DNER: variants seen among roughly 807,000 people sequenced by gnomAD.
DNER encodes the protein delta and Notch-like epidermal growth factor-related receptor.
Under a neutral mutation model 78.2 loss-of-function variants are expected in DNER, and 33 were observed. The ratio of observed to expected loss-of-function variants is 0.42; its 90% CI spans 0.32 to 0.56. The LOEUF (loss-of-function observed/expected upper bound fraction) is 0.56, where lower values mean the gene tolerates loss of function less well. Ranked by LOEUF, DNER falls within the 20% of genes least tolerant of loss-of-function variation. The probability of loss-of-function intolerance (pLI) is 0.11; values close to 1 mark genes in which losing one functional copy is unlikely to be tolerated. For missense variants in DNER, 918 were observed against 975.3 expected (o/e 0.94, Z 0.78); for synonymous variants, 417 against 384.8 (o/e 1.08, Z -0.98).
chr2:229,659,577 T>A (rs558536250), intron 1 of DNER, among the ~76,000 whole-genome samples: 2 of 152,264 alleles, frequency 1.3e-5, no homozygotes, highest in African/African-American at 4.8e-5. Context: ...CTGGTCTCCA[T>A]GAGCCTTTCT....
At chr2:229,423,320 A>G (rs918728813) in intron 8 of DNER, among the ~76,000 whole-genome samples, 4 of 152,164 alleles carry the variant, frequency 2.6e-5, no homozygotes, top group African/African-American at 7.2e-5. Context: ...ATTTTAAGAT[A>G]TACTGAGTTT....
intron 11 of DNER, among the ~76,000 whole-genome samples, chr2:229,387,891 G>T (rs201272494): frequency 3.0e-4 from 17 of 57,132 alleles, no homozygotes; most frequent in East Asian, 1.5e-3. Flanking sequence ...GTGTGTGTGT[G>T]TTTTTTAATT....
At chr2:229,712,920 C>CA (rs764190796) in intron 1 of DNER, among the ~76,000 whole-genome samples, 9 of 152,172 alleles carry the variant, frequency 5.9e-5, no homozygotes, top group Middle Eastern at 3.4e-3. Flanking sequence ...TAGATAAATG[C>CA]AAAAAAATCT....
At chr2:229,386,794 T>C (rs1270244872) in intron 11 of DNER, among the ~76,000 whole-genome samples, 1 of 152,108 alleles carries the variant, frequency 6.6e-6, no homozygotes, top group African/African-American at 2.4e-5. Flanking sequence ...TCACGTCAGT[T>C]AGAATGGCGA....
chr2:229,657,964 A>G (rs908082443), intron 1 of DNER, among the ~76,000 whole-genome samples: 1 of 152,256 alleles, frequency 6.6e-6, no homozygotes, highest in South Asian at 2.1e-4. Context: ...CCTTAAAAAC[A>G]TGTAAAATGT....
At chr2:229,559,111 G>A (rs1696909272) in intron 4 of DNER, among the ~76,000 whole-genome samples, 1 of 152,128 alleles carries the variant, frequency 6.6e-6, no homozygotes, top group South Asian at 2.1e-4. Context: ...GGGGTGTGGT[G>A]GTAGGCAAGT....
intron 12 of DNER, among the ~76,000 whole-genome samples, chr2:229,363,469 C>T (rs1321162077): frequency 2.0e-5 from 3 of 152,198 alleles, no homozygotes; most frequent in African/African-American, 7.2e-5. Context: ...GCCTGAGACC[C>T]AGCCATGGCC....
intron 4 of DNER, among the ~76,000 whole-genome samples, chr2:229,559,886 T>C (rs965008852): frequency 1.3e-5 from 2 of 152,180 alleles, no homozygotes; most frequent in Non-Finnish European, 2.9e-5. Context: ...CACAAACAAA[T>C]GCACTTACTC....
At chr2:229,504,550 C>G (rs1695695762) in intron 6 of DNER, among the ~76,000 whole-genome samples, 1 of 152,144 alleles carries the variant, frequency 6.6e-6, no homozygotes, top group African/African-American at 2.4e-5. Context: ...AAGTGATGAA[C>G]AACAATAAAA....
chr2:229,649,907 T>C (rs1273850710), intron 1 of DNER, among the ~76,000 whole-genome samples: 2 of 151,836 alleles, frequency 1.3e-5, no homozygotes, highest in Non-Finnish European at 2.9e-5. Context: ...ACCCCATCTC[T>C]ACTGAAAATA....
intron 1 of DNER, among the ~76,000 whole-genome samples, chr2:229,659,593 T>G (rs971165591): frequency 6.6e-6 from 1 of 152,074 alleles, no homozygotes; most frequent in Non-Finnish European, 1.5e-5. Flanking sequence ...TTTCTTAAAC[T>G]CACCATCTTG....
chr2:229,677,730 C>T (rs747614413), intron 1 of DNER, among the ~76,000 whole-genome samples: 3 of 152,168 alleles, frequency 2.0e-5, no homozygotes, highest in Non-Finnish European at 2.9e-5. Flanking sequence ...AGGTGAAAGA[C>T]AAAAATTTAC....
intron 4 of DNER, among the ~76,000 whole-genome samples, chr2:229,582,943 A>T (rs1264809438): frequency 6.6e-6 from 1 of 152,160 alleles, no homozygotes; most frequent in Non-Finnish European, 1.5e-5. Flanking sequence ...CTGACCTAAT[A>T]TATCAAAGTT....
At chr2:229,633,055 T>G (rs1358788422) in intron 1 of DNER, among the ~76,000 whole-genome samples, 1 of 152,208 alleles carries the variant, frequency 6.6e-6, no homozygotes, top group Non-Finnish European at 1.5e-5. Context: ...GTACCCTTCT[T>G]TAGGAAACCT....
intron 8 of DNER, among the ~76,000 whole-genome samples, chr2:229,426,255 T>C (rs1266647865): frequency 6.6e-6 from 1 of 151,736 alleles, no homozygotes; most frequent in Admixed American, 6.6e-5. Flanking sequence ...TCCTGGCTAA[T>C]ACTGTGAAAC....
At chr2:229,515,563 G>A (rs1370903377) in intron 5 of DNER, among the ~76,000 whole-genome samples, 1 of 151,730 alleles carries the variant, frequency 6.6e-6, no homozygotes, top group Non-Finnish European at 1.5e-5. Context: ...TTCATCTAGT[G>A]CATTCCATGG....
At chr2:229,420,621 G>A (rs1348409476) in intron 8 of DNER, among the ~76,000 whole-genome samples, 13 of 152,074 alleles carry the variant, frequency 8.5e-5, no homozygotes, top group Admixed American at 8.5e-4. Context: ...TAATACAAAT[G>A]GCCAACAGGC....
At chr2:229,498,442 A>G (rs1695544998) in intron 6 of DNER, among the ~76,000 whole-genome samples, 1 of 152,204 alleles carries the variant, frequency 6.6e-6, no homozygotes, top group Non-Finnish European at 1.5e-5. Flanking sequence ...CAAGAAAAAG[A>G]AATAAAACGC....
chr2:229,644,660 G>C (rs1698683995), intron 1 of DNER, among the ~76,000 whole-genome samples: 1 of 152,010 alleles, frequency 6.6e-6, no homozygotes, highest in Non-Finnish European at 1.5e-5. Flanking sequence ...GTTAAGTATA[G>C]ATGCTCCCAA....
Sources: allele counts gnomAD v4.1 joint callset (sites outside exome capture counted in the v4.1 genomes callset), GRCh38; gene constraint gnomAD v4.1.1; transcripts MANE v1.5; gene names NCBI Gene and HGNC (gene_info 2026-07-23, HGNC 2026-07-21).